The following BAIAP2 variants were observed in gnomAD, a reference collection of about 807,000 sequenced individuals.
BAIAP2 encodes the protein BAR/IMD domain containing adaptor protein 2.
BAIAP2 carries 18 observed loss-of-function variants against 63.0 expected under a neutral mutation model. The ratio of observed to expected loss-of-function variants is 0.29; its 90% CI spans 0.20 to 0.42. The LOEUF (loss-of-function observed/expected upper bound fraction) is 0.42, where lower values mean the gene tolerates loss of function less well. Among genes scored for constraint, BAIAP2 ranks in the 10% least tolerant of loss-of-function variants. BAIAP2 has a pLI of 1.00. For missense variants in BAIAP2, 610 were observed against 734.3 expected (o/e 0.83, Z 1.96); for synonymous variants, 386 against 307.6 (o/e 1.25, Z -2.67).
chr17:81,085,002 A>G (rs2145278588), intron 4 of BAIAP2, 109 bp downstream of exon 4: 1 of 1,163,062 alleles, frequency 8.6e-7, no homozygotes, highest in East Asian at 2.4e-5. Context: ...TTGTCCAGCC[A>G]CACTCGGAGG....
intron 7 of BAIAP2, 93 bp from the exon 8 acceptor site, chr17:81,103,409 C>T (rs1022322355): frequency 4.0e-5 from 49 of 1,221,966 alleles, no homozygotes; most frequent in African/African-American, 9.1e-5. Flanking sequence ...CCTCCAGCCC[C>T]AGAGAGTGCT....
At chr17:81,096,054 CA>C (rs2057563480) in intron 6 of BAIAP2, among the ~76,000 whole-genome samples, 8 of 152,134 alleles carry the variant, frequency 5.3e-5, no homozygotes, top group Admixed American at 5.2e-4. Flanking sequence ...TGAGGAGACC[CA>C]GGGGGCCCTG....
chr17:81,106,055 C>G (rs1362910073), intron 10 of BAIAP2, 23 bp from the exon 11 acceptor site: 1 of 1,562,548 alleles, frequency 6.4e-7, no homozygotes, highest in East Asian at 2.4e-5. Flanking sequence ...GAGCGTGGCT[C>G]TTACCTGGGG....
At chr17:81,113,112 T>C (rs1210452753) in intron 13 of BAIAP2, among the ~76,000 whole-genome samples, 1 of 152,196 alleles carries the variant, frequency 6.6e-6, no homozygotes, top group Non-Finnish European at 1.5e-5. Flanking sequence ...GCGGCCTTGC[T>C]TAGGGGCCTC....
In BAIAP2 at chr17:81,116,404, C is replaced by T; in HGVS notation, c.*565C>T. 1.4e-6 allele frequency: 2 copies of T among 1,471,238 alleles called. No individual in the cohort carries two copies. The highest frequency in any genetic ancestry group is 2.0e-5 in the Admixed American group (1 of 51,250). 91.1% of individuals were successfully genotyped at this position (1,471,238 alleles called of 1,614,324 possible). A position where few individuals can be genotyped will look rare whatever the true frequency, so the allele number is the denominator to read the frequency against. Reference sequence around the variant, plus strand: ...GCCCCTCGGTGGGGCTCTCCTGGGCCCCTCACTCCCACTGGCAATGTCACA... The same window carrying T: ...GCCCCTCGGTGGGGCTCTCCTGGGCTCCTCACTCCCACTGGCAATGTCACA... On this transcript the variant is annotated 3_prime_UTR_variant, in exon 14 of 14. Coordinates refer to ENST00000428708, the MANE Select transcript of BAIAP2 (RefSeq NM_001144888.2).
At chr17:81,057,596 T>G in intron 2 of BAIAP2, 3 of 1,095,862 alleles carry the variant, frequency 2.7e-6, no homozygotes, top group South Asian at 4.2e-5. Context: ...TGGTAGCACG[T>G]GATAGGGATC....
At chr17:81,084,385 C>A (rs1405367469) in intron 3 of BAIAP2, among the ~76,000 whole-genome samples, 1 of 152,116 alleles carries the variant, frequency 6.6e-6, no homozygotes, top group African/African-American at 2.4e-5. Context: ...CCATGGGTGT[C>A]CCCCAGAGGA....
chr17:81,072,532 C>T (rs1030373509), intron 3 of BAIAP2, among the ~76,000 whole-genome samples: 2 of 152,226 alleles, frequency 1.3e-5, no homozygotes, highest in Non-Finnish European at 2.9e-5. Context: ...CAGCCGTCTC[C>T]ACGTCCCCAC....
intron 6 of BAIAP2, 39 bp downstream of exon 6, chr17:81,086,619 C>A (rs374586268): frequency 5.6e-6 from 9 of 1,609,254 alleles, no homozygotes; most frequent in Non-Finnish European, 7.6e-6. Flanking sequence ...TCTCCTGCCA[C>A]CTTGGGACTG....
At chr17:81,082,272 G>T (rs986559662) in intron 3 of BAIAP2, among the ~76,000 whole-genome samples, 1 of 152,198 alleles carries the variant, frequency 6.6e-6, no homozygotes, top group Non-Finnish European at 1.5e-5. Flanking sequence ...GCTTGTGCGT[G>T]CCCACTCACA....
At chr17:81,040,679 T>G (rs770201475) in intron 1 of BAIAP2, among the ~76,000 whole-genome samples, 1 of 152,216 alleles carries the variant, frequency 6.6e-6, no homozygotes, top group Non-Finnish European at 1.5e-5. Context: ...TTGCTGAGGG[T>G]TTGCTCCCCG....
At chr17:81,075,000 G>A (rs1416667567) in intron 3 of BAIAP2, among the ~76,000 whole-genome samples, 2 of 152,238 alleles carry the variant, frequency 1.3e-5, no homozygotes, top group African/African-American at 4.8e-5. Context: ...AGGGAAGAAT[G>A]GGCTTGGCAA....
chr17:81,112,995 C>A (rs572578640), intron 13 of BAIAP2, among the ~76,000 whole-genome samples: 1 of 152,308 alleles, frequency 6.6e-6, no homozygotes, highest in East Asian at 1.9e-4. Context: ...GTGGAGGTTG[C>A]AGTGAGCTAC....
intron 3 of BAIAP2, among the ~76,000 whole-genome samples, chr17:81,084,315 G>T (rs1295978248): frequency 6.6e-6 from 1 of 152,122 alleles, no homozygotes. Flanking sequence ...AGGTGCTGTG[G>T]GTCTGCAGCC....
chr17:81,042,868 CTTTTA>C lies in BAIAP2; in HGVS notation c.54+7566_54+7570del, dbSNP rs1386966054. The stretch of plus-strand genomic sequence containing the variant: ...GTGGCCTTGCTGCTTCCAGGCGGGG[CTTTTA>C]TTTTAATTTAATTTAATTTAATTTA... On this transcript the variant is annotated intron_variant, in intron 1 of 13. Coordinates refer to ENST00000428708, the MANE Select transcript of BAIAP2 (RefSeq NM_001144888.2). 3.1e-4 allele frequency among the ~76,000 whole-genome samples: 47 copies of C among 151,862 alleles called. 1 individual carries two copies. The highest frequency in any genetic ancestry group is 9.8e-4 in the Admixed American group (15 of 15,280).
At position 81,106,297 on chromosome 17, in the gene BAIAP2, G is replaced by A. The variant is rs1420809902; in HGVS notation, c.1337+151G>A. The A allele has an allele frequency of 2.5e-5, 21 of 848,518 alleles. No homozygotes were observed. In the East Asian group the frequency reaches 3.5e-4, roughly 14 times the overall value. 52.6% of individuals were successfully genotyped at this position (848,518 alleles called of 1,614,324 possible). A position where few individuals can be genotyped will look rare whatever the true frequency, so the allele number is the denominator to read the frequency against. On this transcript the variant is annotated intron_variant, in intron 11 of 13. Transcript: ENST00000428708. ...TCCCCAGTGGCCCTGAGAGCTGGACGCTTGAGGCCTTCAGGGTGGAGGCAT... is the reference window on the plus strand; with the variant it reads ...TCCCCAGTGGCCCTGAGAGCTGGACACTTGAGGCCTTCAGGGTGGAGGCAT...
intron 1 of BAIAP2, among the ~76,000 whole-genome samples, chr17:81,037,829 A>G (rs911180765): frequency 1.3e-5 from 2 of 152,216 alleles, no homozygotes; most frequent in Non-Finnish European, 2.9e-5. Flanking sequence ...GCAAAGGAGG[A>G]CGCTTGTCCT....
At chr17:81,057,728 C>G (rs2049829397) in intron 2 of BAIAP2, 153 bp from the exon 3 acceptor site, 3 of 1,409,008 alleles carry the variant, frequency 2.1e-6, no homozygotes, top group Non-Finnish European at 2.8e-6. Flanking sequence ...GGGTTCTGTC[C>G]AACCCAGAAA....
chr17:81,053,150 C>T (rs536367517), intron 1 of BAIAP2, among the ~76,000 whole-genome samples: 3 of 152,280 alleles, frequency 2.0e-5, no homozygotes, highest in East Asian at 1.9e-4. Flanking sequence ...GACCCAGAGC[C>T]GTTGGATTAT....
Sources: gnomAD v4.1 joint callset for allele counts (sites outside exome capture counted in the v4.1 genomes callset) on GRCh38, gnomAD v4.1.1 for gene constraint, MANE v1.5 for transcripts, NCBI Gene and HGNC (gene_info 2026-07-23, HGNC 2026-07-21) for gene names.